PSMD5: variants seen among roughly 807,000 people sequenced by gnomAD.
PSMD5 encodes the protein 26S proteasome non-ATPase regulatory subunit 5.
PSMD5 carries 40 observed loss-of-function variants against 52.1 expected under a neutral mutation model. The ratio of observed to expected loss-of-function variants is 0.77; its 90% CI spans 0.60 to 1.00. The LOEUF is 1.00. PSMD5 is among the 50% of genes least tolerant of loss of function. The probability of loss-of-function intolerance (pLI) is 0.00; values close to 1 mark genes in which losing one functional copy is unlikely to be tolerated. For missense variants in PSMD5, 575 were observed against 605.2 expected (o/e 0.95, Z 0.52); for synonymous variants, 211 against 226.6 (o/e 0.93, Z 0.62).
At chr9:120,830,946 C>T (rs2045155531) in intron 4 of PSMD5, among the ~76,000 whole-genome samples, 1 of 151,906 alleles carries the variant, frequency 6.6e-6, no homozygotes, top group Admixed American at 6.6e-5. Context: ...TGCAGTAGTG[C>T]AACCACGGCT....
chr9:120,834,384 A>G (rs998446558), intron 1 of PSMD5, among the ~76,000 whole-genome samples: 1 of 152,214 alleles, frequency 6.6e-6, no homozygotes, highest in East Asian at 1.9e-4. Flanking sequence ...ACTAGAAACT[A>G]TAGGAGCTTA....
chr9:120,839,978 T>G (rs2045223070), intron 1 of PSMD5, among the ~76,000 whole-genome samples: 1 of 151,100 alleles, frequency 6.6e-6, no homozygotes, highest in Non-Finnish European at 1.5e-5. Flanking sequence ...AAAAATTAGC[T>G]GGGCGTTGTG....
chr9:120,839,351 G>A (rs1032942433), intron 1 of PSMD5, among the ~76,000 whole-genome samples: 3 of 152,204 alleles, frequency 2.0e-5, no homozygotes, highest in Admixed American at 6.5e-5. Flanking sequence ...CAGCTGACTC[G>A]AGATGTATGC....
chr9:120,823,080 G>A (rs994549111), intron 7 of PSMD5, among the ~76,000 whole-genome samples: 2 of 151,954 alleles, frequency 1.3e-5, no homozygotes, highest in African/African-American at 4.8e-5. Context: ...TGAAGTGCTG[G>A]GATTACAGGT....
chr9:120,830,612 G>T (rs1412854036), intron 4 of PSMD5, among the ~76,000 whole-genome samples: 1 of 152,166 alleles, frequency 6.6e-6, no homozygotes, highest in African/African-American at 2.4e-5. Context: ...AAGTAAGAAA[G>T]TGTTCTGAAG....
chr9:120,829,416 CAG>C (rs2045145543), intron 4 of PSMD5, among the ~76,000 whole-genome samples: 1 of 152,040 alleles, frequency 6.6e-6, no homozygotes, highest in South Asian at 2.1e-4. Flanking sequence ...ATTTTTGAGA[CAG>C]AGTCTCACTC....
At chr9:120,828,828 G>C (rs1408253419) in intron 5 of PSMD5, among the ~76,000 whole-genome samples, 1 of 152,224 alleles carries the variant, frequency 6.6e-6, no homozygotes, top group African/African-American at 2.4e-5. Flanking sequence ...GTTACCACAT[G>C]ATTGCAACTT....
At chr9:120,821,067 G>A in intron 8 of PSMD5, 88 bp from the exon 9 acceptor site, 1 of 1,337,338 alleles carries the variant, frequency 7.5e-7, no homozygotes, top group Non-Finnish European at 1.0e-6. Flanking sequence ...GAGTGCTGAT[G>A]GCACTCTGTC....
intron 1 of PSMD5, 88 bp downstream of exon 1, chr9:120,842,649 G>A (rs2045248287): frequency 2.0e-6 from 3 of 1,502,304 alleles, no homozygotes; most frequent in Non-Finnish European, 1.8e-6. Flanking sequence ...CTGTGACTGG[G>A]AAAAGCGCTG....
intron 1 of PSMD5, chr9:120,842,152 C>A (rs558882889): frequency 6.5e-6 from 1 of 154,308 alleles, no homozygotes; most frequent in East Asian, 1.9e-4. Context: ...TTCAGTGCTT[C>A]TTTTTCTGTC....
chr9:120,829,525 C>T (rs960108927), intron 4 of PSMD5, among the ~76,000 whole-genome samples: 7 of 152,176 alleles, frequency 4.6e-5, no homozygotes, highest in Non-Finnish European at 8.8e-5. Flanking sequence ...TCCCCAGTAG[C>T]TGGGATTACA....
chr9:120,824,480 C>G lies in PSMD5; in HGVS notation c.1006+14G>C. 1 of 1,613,674 alleles carries G rather than the reference C, an allele frequency of 6.2e-7. No homozygotes were observed. Among genetic ancestry groups the G allele is most frequent in the South Asian group, 1.1e-5 (1 of 91,060 alleles). On this transcript the variant is annotated intron_variant, in intron 7 of 9. Coordinates refer to ENST00000210313, the MANE Select transcript of PSMD5 (RefSeq NM_005047.4). The stretch of plus-strand genomic sequence containing the variant: ...AGATTAAGATATCCCTGAACAGGGC[C>G]AAGTCATACCAACCTGTTTTCTGTA...
Position 120,821,347 on chromosome 9 carries a change from C to G in PSMD5, c.1116+8G>C. ...CCACTGTCCTTCATTATTTCCCTAC[C>G]TACTTACTGGTAAGTACAGAAGAGA... is the stretch of plus-strand genomic sequence containing the variant. On this transcript the variant is annotated splice_region_variant and intron_variant, in intron 8 of 9. Coordinates refer to ENST00000210313, the MANE Select transcript of PSMD5 (RefSeq NM_005047.4). The G allele has an allele frequency of 6.7e-7, 1 of 1,488,886 alleles. No homozygotes were observed. 92.2% of individuals were successfully genotyped at this position (1,488,886 alleles called of 1,614,324 possible).
At chr9:120,840,764 C>G (rs2045229442) in intron 1 of PSMD5, among the ~76,000 whole-genome samples, 1 of 152,024 alleles carries the variant, frequency 6.6e-6, no homozygotes, top group South Asian at 2.1e-4. Context: ...GGACTACAGG[C>G]ACGTGCCACC....
chr9:120,834,474 CA>C (rs2045185032), intron 1 of PSMD5, among the ~76,000 whole-genome samples: 1 of 152,038 alleles, frequency 6.6e-6, no homozygotes, highest in Non-Finnish European at 1.5e-5. Context: ...AGGAGTTATC[CA>C]GAAGAAAAGT....
chr9:120,824,257 G>A (rs1166895888), intron 7 of PSMD5: 15 of 522,290 alleles, frequency 2.9e-5, no homozygotes, highest in Middle Eastern at 4.5e-4. Flanking sequence ...GGTTGAAATC[G>A]ATTGGTAGAA....
chr9:120,821,420 T>A lies in PSMD5; in HGVS notation c.1051A>T (p.Lys351Ter). 1 of 1,610,766 alleles carries A rather than the reference T, an allele frequency of 6.2e-7. No individual in the cohort carries two copies. The highest frequency in any genetic ancestry group is 8.5e-7 in the Non-Finnish European group (1 of 1,178,490). ...RLLMRIGHQS[K>*]NAPVELKIRC... ...ATTTTTAGCTCCACTGGGGCATTCT[T>A]TGATTGATGTCCTATTCTCATAAGC... Residue 351 changes from lysine to a stop codon, truncating the protein, a stop_gained, in exon 8 of 10, where the codon AAG becomes TAG. Coordinates refer to ENST00000210313, the MANE Select transcript of PSMD5 (RefSeq NM_005047.4). LOFTEE classifies it high-confidence loss of function.
intron 9 of PSMD5, among the ~76,000 whole-genome samples, chr9:120,819,557 A>G (rs1161703871): frequency 6.6e-6 from 1 of 152,204 alleles, no homozygotes; most frequent in Non-Finnish European, 1.5e-5. Flanking sequence ...GTTTCTGGCT[A>G]GGCGCGGTGG....
At chr9:120,839,350 C>T (rs904877720) in intron 1 of PSMD5, among the ~76,000 whole-genome samples, 2 of 152,092 alleles carry the variant, frequency 1.3e-5, no homozygotes, top group Non-Finnish European at 2.9e-5. Context: ...CCAGCTGACT[C>T]GAGATGTATG....
Sources: allele counts gnomAD v4.1 joint callset (sites outside exome capture counted in the v4.1 genomes callset), GRCh38; gene constraint gnomAD v4.1.1; transcripts MANE v1.5; gene names NCBI Gene and HGNC (gene_info 2026-07-23, HGNC 2026-07-21).